Variants in ALKBH8 observed in about 807,000 individuals in gnomAD.
ALKBH8 encodes the protein alkB homolog 8, tRNA methyltransferase.
Under a neutral mutation model 59.8 loss-of-function variants are expected in ALKBH8, and 36 were observed. That is an observed-to-expected ratio of 0.60 (90% CI 0.46 to 0.79). The LOEUF is 0.79. Ranked by LOEUF, ALKBH8 falls within the 30% of genes least tolerant of loss-of-function variation. The pLI is 0.00. For missense variants in ALKBH8, 768 were observed against 801.0 expected (o/e 0.96, Z 0.50); for synonymous variants, 276 against 273.6 (o/e 1.01, Z -0.09).
At chr11:107,536,720 T>C (rs190943046) in intron 7 of ALKBH8, among the ~76,000 whole-genome samples, 10 of 152,212 alleles carry the variant, frequency 6.6e-5, no homozygotes, top group Admixed American at 2.0e-4. Flanking sequence ...AGACTAGGAA[T>C]TGAAAAGTAG....
chr11:107,519,383 G>A (rs1279103673), intron 10 of ALKBH8, among the ~76,000 whole-genome samples: 1 of 152,134 alleles, frequency 6.6e-6, no homozygotes, highest in Non-Finnish European at 1.5e-5. Flanking sequence ...GGGATTACAG[G>A]CATAAGCCAC....
chr11:107,565,491 C>A lies in ALKBH8; in HGVS notation c.-7+110G>T, dbSNP rs1865094922. 3 of 1,487,196 alleles carry A rather than the reference C, an allele frequency of 2.0e-6. No individual in the cohort carries two copies. In the Admixed American group the frequency reaches 6.0e-5, roughly 30 times the overall value. The allele number at this position is 1,487,196 out of a possible 1,614,324, so 92.1% of individuals were successfully genotyped here. On this transcript the variant is annotated intron_variant, in intron 1 of 11. Transcript: ENST00000428149. Reference sequence around the variant, plus strand: ...CGCCTCTGGGATCCATCCCCTTTCCCTAGGTTCTCAGCCCTAGCTGGCAAG... The same window carrying A: ...CGCCTCTGGGATCCATCCCCTTTCCATAGGTTCTCAGCCCTAGCTGGCAAG...
intron 7 of ALKBH8, among the ~76,000 whole-genome samples, 185 bp downstream of exon 7, chr11:107,549,568 G>A (rs1473592911): frequency 6.6e-6 from 1 of 152,144 alleles, no homozygotes; most frequent in African/African-American, 2.4e-5. Context: ...CATCTGATGA[G>A]GTGACAGATA....
At chr11:107,508,945 G>C (rs1342434072) in intron 11 of ALKBH8, among the ~76,000 whole-genome samples, 1 of 152,168 alleles carries the variant, frequency 6.6e-6, no homozygotes, top group Non-Finnish European at 1.5e-5. Flanking sequence ...CCTTTTGGCT[G>C]TTGTGAATAA....
intron 7 of ALKBH8, among the ~76,000 whole-genome samples, chr11:107,533,845 T>C (rs1863697849): frequency 6.6e-6 from 1 of 152,066 alleles, no homozygotes; most frequent in African/African-American, 2.4e-5. Flanking sequence ...ATATTCATAA[T>C]TGGCTGAGCG....
At chr11:107,547,715 T>C (rs1371436083) in intron 7 of ALKBH8, among the ~76,000 whole-genome samples, 1 of 152,162 alleles carries the variant, frequency 6.6e-6, no homozygotes, top group Non-Finnish European at 1.5e-5. Flanking sequence ...TTTTTCAAAA[T>C]TACAATGATT....
At chr11:107,506,212 A>G (rs1475456603) in intron 11 of ALKBH8, among the ~76,000 whole-genome samples, 1 of 152,216 alleles carries the variant, frequency 6.6e-6, no homozygotes, top group Non-Finnish European at 1.5e-5. Flanking sequence ...AAATAGATAT[A>G]AATCATCCCC....
At chr11:107,563,618 C>A (rs1237463077) in intron 1 of ALKBH8, 1 of 152,172 alleles carries the variant, frequency 6.6e-6, no homozygotes, top group Non-Finnish European at 1.5e-5. Context: ...TTCAAAGGAG[C>A]TATTTTAGAG....
chr11:107,538,252 T>C (rs781598515), intron 7 of ALKBH8, among the ~76,000 whole-genome samples: 5 of 152,124 alleles, frequency 3.3e-5, no homozygotes, highest in Non-Finnish European at 5.9e-5. Flanking sequence ...ATTTTACTTA[T>C]AAAATTAAAT....
chr11:107,530,486 A>T (rs949905120), intron 8 of ALKBH8, among the ~76,000 whole-genome samples: 6 of 152,048 alleles, frequency 3.9e-5, no homozygotes, highest in Admixed American at 6.6e-5. Flanking sequence ...TCTGATAAAC[A>T]TCTCAATGAT....
chr11:107,503,853 G>C lies in ALKBH8; in HGVS notation c.*805C>G, dbSNP rs1472328818. 1 of 152,150 alleles carries C rather than the reference G, an allele frequency of 6.6e-6. No individual in the cohort carries two copies. Among genetic ancestry groups the C allele is most frequent in the Non-Finnish European group, 1.5e-5 (1 of 68,020 alleles). The allele number at this position is 152,150 out of a possible 1,614,324, so 9.4% of individuals were successfully genotyped here. On this transcript the variant is annotated 3_prime_UTR_variant, in exon 12 of 12. Coordinates refer to ENST00000428149, the MANE Select transcript of ALKBH8 (RefSeq NM_138775.3). ...TAACTCTTGATAATAAATTAGTCAG[G>C]ATTAGTAGTTATTTCAGTCACTTAA...
chr11:107,505,579 T>C (rs1862349478), intron 11 of ALKBH8, among the ~76,000 whole-genome samples: 1 of 152,234 alleles, frequency 6.6e-6, no homozygotes, highest in Non-Finnish European at 1.5e-5. Flanking sequence ...AGGAATCGTG[T>C]CAACTATACT....
chr11:107,512,319 T>C (rs146289231), intron 10 of ALKBH8, among the ~76,000 whole-genome samples: 3 of 130,146 alleles, frequency 2.3e-5, no homozygotes, highest in Admixed American at 8.0e-5. Flanking sequence ...TTTTGTTTGT[T>C]TGTTTTGGTT....
At chr11:107,550,536 C>CCGGCCTCTGTGCTCTACAGGAA (rs1864445517) in intron 6 of ALKBH8, among the ~76,000 whole-genome samples, 1 of 152,194 alleles carries the variant, frequency 6.6e-6, no homozygotes, top group African/African-American at 2.4e-5. Context: ...AAGAGTGGCC[C>CCGGCCTCTGTGCTCTACAGGAA]CGGCCTCTGT....
intron 2 of ALKBH8, 116 bp downstream of exon 2, chr11:107,560,649 G>A: frequency 1.0e-6 from 1 of 972,640 alleles, no homozygotes; most frequent in South Asian, 2.2e-5. Flanking sequence ...CCTCTAATAT[G>A]GATGTAACAC....
chr11:107,522,025 A>G (rs1281109675), intron 10 of ALKBH8, among the ~76,000 whole-genome samples: 1 of 152,166 alleles, frequency 6.6e-6, no homozygotes, highest in East Asian at 1.9e-4. Flanking sequence ...ATCCTTTCTA[A>G]TCTGTAAAGA....
intron 10 of ALKBH8, among the ~76,000 whole-genome samples, chr11:107,521,206 G>C (rs1006873662): frequency 2.0e-5 from 3 of 152,088 alleles, no homozygotes; most frequent in Non-Finnish European, 4.4e-5. Context: ...AGAATCCTAG[G>C]TGATTGTAAC....
intron 7 of ALKBH8, among the ~76,000 whole-genome samples, chr11:107,548,724 C>T (rs990692879): frequency 1.3e-5 from 2 of 152,114 alleles, no homozygotes; most frequent in African/African-American, 2.4e-5. Context: ...GGAAACTATA[C>T]AAATACGGGA....
chr11:107,545,880 A>C (rs1838303500), intron 7 of ALKBH8, among the ~76,000 whole-genome samples: 1 of 152,236 alleles, frequency 6.6e-6, no homozygotes. Context: ...CAAATCCATT[A>C]AACATCTGAA....
Sources: gnomAD v4.1 joint callset for allele counts (sites outside exome capture counted in the v4.1 genomes callset) on GRCh38, gnomAD v4.1.1 for gene constraint, MANE v1.5 for transcripts, NCBI Gene and HGNC (gene_info 2026-07-23, HGNC 2026-07-21) for gene names.